Variants in ABCC10 observed in about 807,000 individuals in gnomAD.
ABCC10 encodes ATP-binding cassette sub-family C member 10.
ABCC10 carries 110 observed loss-of-function variants against 143.2 expected under a neutral mutation model. That is an observed-to-expected ratio of 0.77 (90% CI 0.66 to 0.90). The LOEUF (loss-of-function observed/expected upper bound fraction) is 0.90, where lower values mean the gene tolerates loss of function less well. ABCC10 is among the 40% of genes least tolerant of loss of function. The pLI, the probability that ABCC10 is intolerant of heterozygous loss-of-function variation, is 0.00. For synonymous variants in ABCC10, 805 were observed against 846.7 expected, an observed-to-expected ratio of 0.95 and a Z score of 0.85; for missense variants, 1,700 against 1,900.5, an observed-to-expected ratio of 0.89 and a Z score of 1.96.
intron 7 of ABCC10, 96 bp downstream of exon 7, chr6:43,438,109 C>A: frequency 7.5e-7 from 1 of 1,339,128 alleles, no homozygotes; most frequent in Non-Finnish European, 1.0e-6. Flanking sequence ...GTCAGGGGTA[C>A]TAAGAAGAGC....
intron 3 of ABCC10, 200 bp from the exon 4 acceptor site, chr6:43,434,420 CA>C: frequency 1.8e-6 from 1 of 540,802 alleles, no homozygotes; most frequent in Non-Finnish European, 3.3e-6. Context: ...GGAGGGGAAG[CA>C]ACCCAGGGCT....
downstream of ABCC10, chr6:43,451,186 C>T: frequency 6.2e-7 from 1 of 1,614,194 alleles, no homozygotes; most frequent in Non-Finnish European, 8.5e-7. The surrounding 1 kb of genome is among the most constrained non-coding windows in gnomAD (Gnocchi z 4.4). Context: ...TCACAGCGGG[C>T]ACCCACAAAG....
chr6:43,451,322 G>A, downstream of ABCC10: 2 of 1,584,124 alleles, frequency 1.3e-6, no homozygotes, highest in Non-Finnish European at 1.7e-6. The surrounding 1 kb of genome is among the most constrained non-coding windows in gnomAD (Gnocchi z 4.4). Context: ...ACCAACACCT[G>A]TAGGGCAGCC....
intron 2 of ABCC10, chr6:43,430,943 C>CA (rs1399886049): frequency 6.6e-6 from 1 of 151,996 alleles, no homozygotes; most frequent in East Asian, 1.9e-4. Flanking sequence ...AGGCTGGTCT[C>CA]AAACTGCTGA....
chr6:43,444,674 A>C (rs1482433776), intron 12 of ABCC10, 114 bp from the exon 13 acceptor site: 2 of 1,444,324 alleles, frequency 1.4e-6, no homozygotes, highest in African/African-American at 2.8e-5. Flanking sequence ...AGGCCAGGCC[A>C]GGCGGATGGA....
chr6:43,435,973 T>C (rs2127389888), intron 5 of ABCC10, 66 bp downstream of exon 5: 4 of 1,605,068 alleles, frequency 2.5e-6, no homozygotes, highest in Non-Finnish European at 3.4e-6. Flanking sequence ...ACTTGGGTGC[T>C]GCGCATAGAT....
In ABCC10 at chr6:43,432,375, G is replaced by A. The variant is rs1781231113; in HGVS notation, c.395G>A (p.Gly132Asp). ...LAHSPHGHSR[G>D]PLALALVALL... ...CATTCCCCTCATGGCCACTCCCGGG[G>A]TCCCTTGGCCTTGGCCCTGGTAGCC... The change falls in exon 3 of 22, where the codon GGT (glycine) becomes GAT (aspartate). Residue 132 changes from glycine (G) to aspartate (D), a missense_variant. By Grantham distance (94) the Gly-to-Asp change is moderately conservative. Coordinates refer to ENST00000372530, the MANE Select transcript of ABCC10 (RefSeq NM_001198934.2). 2.5e-6 allele frequency: 4 copies of A among 1,613,068 alleles called. No individual in the cohort carries two copies. The highest frequency in any genetic ancestry group is 3.4e-6 in the Non-Finnish European group (4 of 1,180,032).
At chr6:43,439,868 C>T (rs1460132789) in intron 8 of ABCC10, among the ~76,000 whole-genome samples, 4 of 152,088 alleles carry the variant, frequency 2.6e-5, no homozygotes, top group Non-Finnish European at 4.4e-5. Context: ...AGGCGTGAGC[C>T]ACCGCGCCTG....
chr6:43,450,871 C>T, downstream of ABCC10: 1 of 1,614,162 alleles, frequency 6.2e-7, no homozygotes, highest in East Asian at 2.2e-5. The surrounding 1 kb of genome is among the most constrained non-coding windows in gnomAD (Gnocchi z 4.5). Context: ...GGCCCCGTGG[C>T]AGGTACCACT....
intron 9 of ABCC10, 21 bp from the exon 10 acceptor site, chr6:43,442,949 G>T: frequency 6.5e-7 from 1 of 1,546,954 alleles, no homozygotes; most frequent in South Asian, 1.3e-5. Flanking sequence ...TGGTGCCCAC[G>T]GTACCCTCAC....
At position 43,444,864 on chromosome 6, in the gene ABCC10, G is replaced by A. The variant is rs768319377; in HGVS notation, c.2766G>A (p.Ala922=). 8.1e-6 allele frequency: 13 copies of A among 1,613,824 alleles called. No homozygotes were observed. The highest frequency in any genetic ancestry group is 1.6e-4 in the Middle Eastern group (1 of 6,082). Residue 922 remains alanine (A), a synonymous_variant, in exon 13 of 22, where the codon GCG becomes GCA. Coordinates refer to ENST00000372530, the MANE Select transcript of ABCC10 (RefSeq NM_001198934.2). Reference sequence around the variant, plus strand: ...AGGCTGAGAATAGCTCCCAGGAGGCGCAACCCTCCACCAGCCCAGCTTCTA... The same window carrying A: ...AGGCTGAGAATAGCTCCCAGGAGGCACAACCCTCCACCAGCCCAGCTTCTA... ...QLKAENSSQE[A]QPSTSPASMG... is the part of the protein sequence containing the mutation.
rs62402415 is a variant in ABCC10, at chr6:43,445,914, G to A, written c.3346G>A (p.Val1116Met). ...HLADTLAGLS[V>M]LRATGATYRF... is the part of the protein sequence containing the mutation. ...GGCCGATACCTTGGCTGGCCTCTCT[G>A]TGCTCCGGGCCACAGGGGCCACCTA... Residue 1116 changes from valine to methionine, a missense_variant, in exon 15 of 22, where the codon GTG becomes ATG. By Grantham distance (21) the Val-to-Met change is conservative (BLOSUM62 1). Coordinates refer to ENST00000372530, the MANE Select transcript of ABCC10 (RefSeq NM_001198934.2). 6,939 of 1,613,034 alleles carry A rather than the reference G, an allele frequency of 4.3e-3. 28 individuals are homozygous for A. The highest frequency in any genetic ancestry group is 7.3e-3 in the Middle Eastern group (44 of 6,058).
Position 43,449,957 on chromosome 6 carries a change from G to GTGC in ABCC10, c.4348_4350dup (p.Leu1450dup). On this transcript the variant is annotated inframe_insertion, in exon 22 of 22. Coordinates refer to ENST00000372530, the MANE Select transcript of ABCC10 (RefSeq NM_001198934.2). ...CAACACGATCCTGAACTCAGACCGG[G>GTGC]TGCTGGTGCTACAAGCGGGGAGAGT... The GTGC allele has an allele frequency of 6.2e-7, 1 of 1,614,040 alleles. No individual in the cohort carries two copies. Among genetic ancestry groups the GTGC allele is most frequent in the East Asian group, 2.2e-5 (1 of 44,884 alleles).
Position 43,434,705 on chromosome 6 carries a change from C to G in ABCC10, c.1465C>G (p.Arg489Gly). ...QALGARVEAC[R>G]ARELGRLRVI... ...ACTGGGAGCCCGAGTAGAGGCCTGCCGGGCTCGAGAGCTGGGGCGACTCCG... is the reference window on the plus strand; with the variant it reads ...ACTGGGAGCCCGAGTAGAGGCCTGCGGGGCTCGAGAGCTGGGGCGACTCCG... The change falls in exon 4 of 22, where the codon CGG becomes GGG. Residue 489 changes from arginine to glycine, a missense_variant. Coordinates refer to ENST00000372530, the MANE Select transcript of ABCC10 (RefSeq NM_001198934.2). The G allele has an allele frequency of 6.2e-7, 1 of 1,614,136 alleles. No individual in the cohort carries two copies. The highest frequency in any genetic ancestry group is 8.5e-7 in the Non-Finnish European group (1 of 1,180,032).
In ABCC10 at chr6:43,449,016, T is replaced by A; in HGVS notation, c.4095T>A (p.Ile1365=). The change falls in exon 19 of 22, where the codon ATT becomes ATA. Residue 1365 remains isoleucine, a synonymous_variant. Transcript: ENST00000372530. The part of the protein sequence containing the change: ...ALKQCHLSEV[I]TSMGGLDGEL... Reference sequence around the variant, plus strand: ...AGCAGTGCCACCTGAGTGAGGTGATTACATCCATGGGTGAGTGCTGGACCC... The same window carrying A: ...AGCAGTGCCACCTGAGTGAGGTGATAACATCCATGGGTGAGTGCTGGACCC... The A allele has an allele frequency of 1.9e-6, 3 of 1,614,006 alleles. No homozygotes were observed. In the South Asian group the frequency reaches 3.3e-5, roughly 18 times the overall value.
chr6:43,433,256 G>A lies in ABCC10; in HGVS notation c.1276G>A (p.Gly426Ser), dbSNP rs769248343. 6.2e-7 allele frequency: 1 copy of A among 1,614,166 alleles called. No individual in the cohort carries two copies. The highest frequency in any genetic ancestry group is 1.1e-5 in the South Asian group (1 of 91,084). The change falls in exon 3 of 22, where the codon GGT (glycine) becomes AGT (serine). Residue 426 changes from glycine (G) to serine (S), a missense_variant. Gly to Ser is a moderately conservative substitution (Grantham distance 56). Transcript: ENST00000372530. ...YQQVGVAFVG[G>S]LILALLLVPV... Reference sequence around the variant, plus strand: ...GCAGGTAGGCGTGGCCTTCGTGGGTGGTCTCATCTTGGCACTGCTGCTGGT... The same window carrying A: ...GCAGGTAGGCGTGGCCTTCGTGGGTAGTCTCATCTTGGCACTGCTGCTGGT...
At chr6:43,435,719 C>A in intron 4 of ABCC10, 32 bp from the exon 5 acceptor site, 1 of 1,609,810 alleles carries the variant, frequency 6.2e-7, no homozygotes, top group South Asian at 1.1e-5. Context: ...TAGATAACTC[C>A]TGGGGCTTCA....
downstream of ABCC10, chr6:43,450,526 G>GC: frequency 2.0e-6 from 3 of 1,531,030 alleles, no homozygotes; most frequent in Non-Finnish European, 2.6e-6. The surrounding 1 kb of genome is among the most constrained non-coding windows in gnomAD (Gnocchi z 4.5). Flanking sequence ...GGGCCAGAAA[G>GC]CCCCCACCTC....
At chr6:43,434,288 G>C (rs1238686001) in intron 3 of ABCC10, among the ~76,000 whole-genome samples, 2 of 152,262 alleles carry the variant, frequency 1.3e-5, no homozygotes, top group Non-Finnish European at 2.9e-5. Flanking sequence ...TCATCTAATG[G>C]GAGGAGAGCT....
Sources: allele counts gnomAD v4.1 joint callset (sites outside exome capture counted in the v4.1 genomes callset), GRCh38; gene constraint gnomAD v4.1.1; non-coding constraint Gnocchi (gnomAD v3.1); transcripts MANE v1.5; gene names NCBI Gene and HGNC (gene_info 2026-07-23, HGNC 2026-07-21).